The following SUSD1 variants were observed in gnomAD, a reference collection of about 807,000 sequenced individuals.
SUSD1 encodes sushi domain containing 1, also known as sushi domain-containing protein 1.
In SUSD1, 65 loss-of-function variants were observed where a neutral mutation model predicts 86.9. That is an observed-to-expected ratio of 0.75 (90% CI 0.61 to 0.92). SUSD1 has a LOEUF of 0.92. Among genes scored for constraint, SUSD1 ranks in the 40% least tolerant of loss-of-function variants. SUSD1 has a pLI of 0.00. For synonymous variants in SUSD1, 346 were observed against 350.0 expected, an observed-to-expected ratio of 0.99 and a Z score of 0.13; for missense variants, 850 against 929.7, an observed-to-expected ratio of 0.91 and a Z score of 1.11.
intron 5 of SUSD1, among the ~76,000 whole-genome samples, chr9:112,141,805 G>T (rs985674194): frequency 7.2e-6 from 1 of 138,590 alleles, no homozygotes; most frequent in African/African-American, 2.7e-5. Flanking sequence ...TGTATATATT[G>T]TATATTATAT....
At chr9:112,170,872 G>A (rs1461386584) in intron 1 of SUSD1, among the ~76,000 whole-genome samples, 3 of 151,934 alleles carry the variant, frequency 2.0e-5, no homozygotes, top group African/African-American at 7.2e-5. Flanking sequence ...ACCAGGCCCG[G>A]CCAATTTTTT....
chr9:112,074,734 T>A (rs974366531), intron 12 of SUSD1, among the ~76,000 whole-genome samples: 1 of 151,990 alleles, frequency 6.6e-6, no homozygotes. Flanking sequence ...ACCACGAGTA[T>A]CTCTGCACAT....
intron 5 of SUSD1, among the ~76,000 whole-genome samples, chr9:112,125,149 C>T (rs1463644079): frequency 5.9e-5 from 9 of 151,656 alleles, no homozygotes; most frequent in Admixed American, 2.0e-4. Flanking sequence ...AAAAAAAAAT[C>T]GAAAAAATGA....
chr9:112,140,335 G>T lies in SUSD1; in HGVS notation c.706+1985C>A, dbSNP rs1832507728. On this transcript the variant is annotated intron_variant, in intron 5 of 16. Transcript: ENST00000374270. Reference sequence around the variant, plus strand: ...CGAGATTGCGCCACTGCAGTCCGCAGTCCGGCCTGGGCGACAGAGCGAGAC... The same window carrying T: ...CGAGATTGCGCCACTGCAGTCCGCATTCCGGCCTGGGCGACAGAGCGAGAC... 1.4e-5 allele frequency among the ~76,000 whole-genome samples: 2 copies of T among 141,542 alleles called. 1 individual carries two copies. Among genetic ancestry groups the T allele is most frequent in the African/African-American group, 5.7e-5 (2 of 34,852 alleles). 92.9% of individuals were successfully genotyped at this position (141,542 alleles called of 152,430 possible).
At chr9:112,160,604 C>A (rs1175683824) in intron 1 of SUSD1, among the ~76,000 whole-genome samples, 2 of 152,082 alleles carry the variant, frequency 1.3e-5, no homozygotes, top group Non-Finnish European at 2.9e-5. Flanking sequence ...TGGCTCATGC[C>A]TGTAATCTCA....
At chr9:112,130,094 G>A (rs1253465897) in intron 5 of SUSD1, among the ~76,000 whole-genome samples, 1 of 152,178 alleles carries the variant, frequency 6.6e-6, no homozygotes, top group Non-Finnish European at 1.5e-5. Flanking sequence ...ATAGCATTCA[G>A]CCAGGCATGG....
intron 5 of SUSD1, among the ~76,000 whole-genome samples, chr9:112,126,581 C>G (rs1318596292): frequency 1.3e-5 from 2 of 152,114 alleles, no homozygotes; most frequent in South Asian, 2.1e-4. Flanking sequence ...GTGAGTTCCC[C>G]GTTAACAGAG....
intron 15 of SUSD1, among the ~76,000 whole-genome samples, chr9:112,048,697 A>G (rs1828061243): frequency 6.6e-6 from 1 of 152,218 alleles, no homozygotes; most frequent in Non-Finnish European, 1.5e-5. Context: ...CAGAATAGCC[A>G]AAGAAGGGCA....
chr9:112,142,606 C>T, intron 4 of SUSD1, 107 bp from the exon 5 acceptor site: 1 of 1,069,690 alleles, frequency 9.3e-7, no homozygotes, highest in Non-Finnish European at 1.3e-6. Flanking sequence ...CACCCCCGAG[C>T]CATATTTTAA....
At chr9:112,106,402 A>T (rs1161195144) in intron 8 of SUSD1, among the ~76,000 whole-genome samples, 1 of 152,198 alleles carries the variant, frequency 6.6e-6, no homozygotes, top group Non-Finnish European at 1.5e-5. Flanking sequence ...TTTATCTTCA[A>T]TTGAGCTCTC....
At chr9:112,131,394 G>A (rs2131712884) in intron 5 of SUSD1, among the ~76,000 whole-genome samples, 1 of 152,300 alleles carries the variant, frequency 6.6e-6, no homozygotes, top group East Asian at 1.9e-4. Flanking sequence ...AGAGCTGCTG[G>A]AAATAGATGT....
chr9:112,149,471 C>T (rs1832953304), intron 2 of SUSD1, 72 bp from the exon 3 acceptor site: 2 of 1,556,368 alleles, frequency 1.3e-6, no homozygotes, highest in Non-Finnish European at 1.7e-6. Flanking sequence ...GACTGTCCTC[C>T]CATGCTATGG....
At chr9:112,140,157 T>A (rs1444972195) in intron 5 of SUSD1, among the ~76,000 whole-genome samples, 1 of 119,242 alleles carries the variant, frequency 8.4e-6, no homozygotes, top group Non-Finnish European at 1.7e-5. Context: ...GGTCAGGAGA[T>A]CGAGACCATC....
At chr9:112,111,591 A>T in intron 8 of SUSD1, 63 bp downstream of exon 8, 3 of 1,560,610 alleles carry the variant, frequency 1.9e-6, no homozygotes, top group Non-Finnish European at 2.6e-6. Context: ...ATTCTGCAGC[A>T]TACTTCCCCA....
In SUSD1 at chr9:112,041,404, A is replaced by C; in HGVS notation, c.*88T>G. The C allele has an allele frequency of 1.3e-6, 1 of 778,760 alleles. No homozygotes were observed. The highest frequency in any genetic ancestry group is 2.4e-5 in the East Asian group (1 of 41,188). The allele number at this position is 778,760 out of a possible 1,614,324, so 48.2% of individuals were successfully genotyped here. A position where few individuals can be genotyped will look rare whatever the true frequency, so the allele number is the denominator to read the frequency against. On this transcript the variant is annotated 3_prime_UTR_variant, in exon 17 of 17. Coordinates refer to ENST00000374270, the MANE Select transcript of SUSD1 (RefSeq NM_022486.5). ...CCCACATGCTCCCTGGACGGAAGTC[A>C]CACGGAGCCTCTGTGCGGGCACCTG... is the stretch of plus-strand genomic sequence containing the variant.
intron 12 of SUSD1, among the ~76,000 whole-genome samples, chr9:112,076,103 C>T (rs1829503265): frequency 6.6e-6 from 1 of 152,152 alleles, no homozygotes; most frequent in African/African-American, 2.4e-5. Flanking sequence ...TGGAAACTCA[C>T]TGGAGAGTTT....
At chr9:112,142,951 T>C (rs1023603552) in intron 4 of SUSD1, among the ~76,000 whole-genome samples, 3 of 147,330 alleles carry the variant, frequency 2.0e-5, no homozygotes, top group Non-Finnish European at 4.5e-5. Context: ...TTTAAGTTTA[T>C]GAATTTTAGC....
chr9:112,055,775 A>C (rs1273488255), intron 14 of SUSD1, among the ~76,000 whole-genome samples: 1 of 152,238 alleles, frequency 6.6e-6, no homozygotes. Context: ...TCCATGAATA[A>C]ATGAATAAGC....
At chr9:112,083,447 C>T (rs60497460) in intron 10 of SUSD1, among the ~76,000 whole-genome samples, 7,798 of 152,132 alleles carry the variant, frequency 0.051, 684 homozygotes, top group African/African-American at 0.18. Flanking sequence ...AGGCTGGTCT[C>T]GAACTCCTGA....
Sources: allele counts gnomAD v4.1 joint callset (sites outside exome capture counted in the v4.1 genomes callset), GRCh38; gene constraint gnomAD v4.1.1; transcripts MANE v1.5; gene names NCBI Gene and HGNC (gene_info 2026-07-23, HGNC 2026-07-21).